The following ZNF334 variants were observed in gnomAD, a reference collection of about 807,000 sequenced individuals.
ZNF334 encodes zinc finger protein 334.
In ZNF334, 14 loss-of-function variants were observed where a neutral mutation model predicts 12.4. The ratio of observed to expected loss-of-function variants is 1.13; its 90% CI spans 0.74 to 1.76. The LOEUF is 1.76. Ranked by LOEUF, ZNF334 falls within the 40% of genes most tolerant of loss-of-function variation. The pLI is 0.00. For synonymous variants in ZNF334, 273 were observed against 269.6 expected (o/e 1.01, Z -0.12); for missense variants, 797 against 804.5 (o/e 0.99, Z 0.11).
chr20:46,475,500 GAACGTATTTACA>G, the ZNF334 span, among the ~76,000 whole-genome samples: 1 of 152,128 alleles, frequency 6.6e-6, no homozygotes, highest in Admixed American at 6.5e-5. Context: ...CAAAGTGGGA[GAACGTATTTACA>G]AACTACACAT....
In ZNF334 at chr20:46,502,552, T is replaced by A. The variant is rs2061255145; in HGVS notation, c.787A>T (p.Lys263Ter). ...IVHQRIHTGE[K>*]PYVCSDCRKT... ...CTACAATCACTACAAACATACGGTT[T>A]CTCCCCTGTATGAATTCTCTGATGT... The change falls in exon 5 of 5, where the codon AAA (lysine) becomes TAA (stop). Residue 263 changes from lysine to a stop codon, truncating the protein, a stop_gained. Transcript: ENST00000692313. LOFTEE classifies it low-confidence loss of function (END_TRUNC). 3 of 1,613,736 alleles carry A rather than the reference T, an allele frequency of 1.9e-6. No individual in the cohort carries two copies. The highest frequency in any genetic ancestry group is 2.5e-6 in the Non-Finnish European group (3 of 1,179,890).
downstream of ZNF334, among the ~76,000 whole-genome samples, chr20:46,498,669 C>T (rs1243435124): frequency 2.0e-5 from 3 of 152,200 alleles, no homozygotes; most frequent in African/African-American, 7.2e-5. Flanking sequence ...ATAAATAATA[C>T]ATTAACCTGT....
At chr20:46,475,008 C>A in the ZNF334 span, among the ~76,000 whole-genome samples, 1 of 152,200 alleles carries the variant, frequency 6.6e-6, no homozygotes, top group Non-Finnish European at 1.5e-5. Flanking sequence ...CTTCCAGTAT[C>A]ATCCAGTACT....
chr20:46,504,520 T>G, intron 3 of ZNF334, 94 bp downstream of exon 3: 2 of 1,437,722 alleles, frequency 1.4e-6, no homozygotes, highest in South Asian at 2.7e-5. Flanking sequence ...GCTCCCCTGA[T>G]GCTCAGGGCT....
chr20:46,475,150 A>G, the ZNF334 span, among the ~76,000 whole-genome samples: 1 of 152,246 alleles, frequency 6.6e-6, no homozygotes, highest in African/African-American at 2.4e-5. Context: ...AATAAAAGCC[A>G]TTACTATTCT....
chr20:46,483,450 T>C, the ZNF334 span, among the ~76,000 whole-genome samples: 1 of 152,150 alleles, frequency 6.6e-6, no homozygotes, highest in African/African-American at 2.4e-5. Flanking sequence ...GGCACTTGAG[T>C]CTTTAAGACA....
chr20:46,504,370 AAGAAAGT>A (rs1223230943), intron 3 of ZNF334, 64 bp from the exon 4 acceptor site: 1 of 1,424,076 alleles, frequency 7.0e-7, no homozygotes, highest in Non-Finnish European at 9.8e-7. Flanking sequence ...CTGAAGAATG[AAGAAAGT>A]ACAGCTTCAG....
At chr20:46,467,490 CT>C in the ZNF334 span, among the ~76,000 whole-genome samples, 79 of 152,296 alleles carry the variant, frequency 5.2e-4, no homozygotes, top group Middle Eastern at 3.4e-3. Flanking sequence ...TAATATCCCC[CT>C]AGGAGTAGAC....
Position 46,501,676 on chromosome 20 carries a change from T to C in ZNF334, c.1663A>G (p.Arg555Gly). The C allele has an allele frequency of 6.2e-7, 1 of 1,613,994 alleles. No individual in the cohort carries two copies. Among genetic ancestry groups the C allele is most frequent in the Non-Finnish European group, 8.5e-7 (1 of 1,179,916 alleles). Residue 555 changes from arginine to glycine, a missense_variant, in exon 5 of 5, where the codon AGG becomes GGG. By Grantham distance (125) the Arg-to-Gly change is moderately radical. Coordinates refer to ENST00000692313, the MANE Select transcript of ZNF334 (RefSeq NM_001353824.2). Reference sequence around the variant, plus strand: ...TGATGGTGAGTCAGGGCTGACTTCCTGCAGTAGGTTCTCCCACATTCATTG... The same window carrying C: ...TGATGGTGAGTCAGGGCTGACTTCCCGCAGTAGGTTCTCCCACATTCATTG... ...ECNECGRTYC[R>G]KSALTHHQRT...
Position 46,502,928 on chromosome 20 carries a change from A to G in ZNF334, c.411T>C (p.Asn137=). 1 of 1,613,914 alleles carries G rather than the reference A, an allele frequency of 6.2e-7. No homozygotes were observed. The highest frequency in any genetic ancestry group is 1.1e-5 in the South Asian group (1 of 91,052). ...VPSRKMPYKC[N]PGGNSLKTNS... ...TAGTTTTCAAACTGTTTCCTCCTGG[A>G]TTACATTTATAGGGCATTTTTCTTG... Residue 137 remains asparagine (N), a synonymous_variant, in exon 5 of 5, where the codon AAT becomes AAC. Coordinates refer to ENST00000692313, the MANE Select transcript of ZNF334 (RefSeq NM_001353824.2).
the ZNF334 span, chr20:46,485,160 T>G: frequency 3.6e-5 from 6 of 166,740 alleles, no homozygotes; most frequent in African/African-American, 1.2e-4. Context: ...ACACTCCCCC[T>G]CCAACCCCCA....
chr20:46,482,567 G>A, the ZNF334 span, among the ~76,000 whole-genome samples: 1 of 152,126 alleles, frequency 6.6e-6, no homozygotes, highest in Non-Finnish European at 1.5e-5. Context: ...CAATGCAGAT[G>A]AATAATTTTT....
intron 2 of ZNF334, among the ~76,000 whole-genome samples, chr20:46,509,989 C>A (rs2146003327): frequency 6.6e-6 from 1 of 152,282 alleles, no homozygotes; most frequent in South Asian, 2.1e-4. Flanking sequence ...CTCCTTCATT[C>A]AAGCTGAATG....
the ZNF334 span, chr20:46,464,472 T>G: frequency 1.9e-6 from 1 of 519,232 alleles, no homozygotes; most frequent in South Asian, 1.5e-5. Flanking sequence ...ACCACCTCCA[T>G]GCAGATCCCA....
the ZNF334 span, among the ~76,000 whole-genome samples, chr20:46,480,586 G>A: frequency 1.3e-5 from 2 of 152,110 alleles, no homozygotes; most frequent in Non-Finnish European, 2.9e-5. Flanking sequence ...AAGAGCACTG[G>A]GGAATTTTCA....
chr20:46,507,937 G>T (rs1379196031), intron 2 of ZNF334, among the ~76,000 whole-genome samples: 3 of 152,120 alleles, frequency 2.0e-5, no homozygotes, highest in African/African-American at 4.8e-5. Context: ...TTAATGACTA[G>T]AAAGAATGAC....
chr20:46,479,887 T>G, the ZNF334 span, among the ~76,000 whole-genome samples: 1 of 152,244 alleles, frequency 6.6e-6, no homozygotes, highest in East Asian at 1.9e-4. Flanking sequence ...TTCTTTCTAC[T>G]GATTTCAAAT....
chr20:46,474,908 G>A, the ZNF334 span, among the ~76,000 whole-genome samples: 6 of 152,184 alleles, frequency 3.9e-5, no homozygotes, highest in South Asian at 1.2e-3. Context: ...TGGTAGTTTA[G>A]TGAGAGAGAC....
the ZNF334 span, among the ~76,000 whole-genome samples, chr20:46,482,470 A>T: frequency 3.1e-3 from 474 of 152,302 alleles, no homozygotes; most frequent in Non-Finnish European, 4.4e-3. Flanking sequence ...TCATCCCTCA[A>T]TCAGGCAGAC....
Sources: gnomAD v4.1 joint callset for allele counts (sites outside exome capture counted in the v4.1 genomes callset) on GRCh38, gnomAD v4.1.1 for gene constraint, MANE v1.5 for transcripts, NCBI Gene and HGNC (gene_info 2026-07-23, HGNC 2026-07-21) for gene names.